Variants in PKP2 observed in about 807,000 individuals in gnomAD.
PKP2 encodes the protein plakophilin-2.
PKP2 carries 73 observed loss-of-function variants against 83.4 expected under a neutral mutation model. The ratio of observed to expected loss-of-function variants is 0.88; its 90% CI spans 0.72 to 1.06. The LOEUF is 1.06. Ranked by LOEUF, PKP2 falls within the 50% of genes least tolerant of loss-of-function variation. The probability of loss-of-function intolerance (pLI) is 0.00; values close to 1 mark genes in which losing one functional copy is unlikely to be tolerated. For synonymous variants in PKP2, 409 were observed against 430.4 expected (o/e 0.95, Z 0.62); for missense variants, 966 against 1,065.4 (o/e 0.91, Z 1.30).
At chr12:32,845,172 T>C (rs1956633629) in intron 5 of PKP2, among the ~76,000 whole-genome samples, 1 of 152,198 alleles carries the variant, frequency 6.6e-6, no homozygotes, top group Admixed American at 6.5e-5. Context: ...ATAACTCCAT[T>C]AGCCAGAAAT....
At chr12:32,854,249 C>T (rs1449978590) in intron 4 of PKP2, among the ~76,000 whole-genome samples, 1 of 152,200 alleles carries the variant, frequency 6.6e-6, no homozygotes, top group African/African-American at 2.4e-5. Context: ...CTTACCCTGT[C>T]ACCTTTATCA....
Position 32,841,268 on chromosome 12 carries a change from G to A in PKP2, c.1379-63C>T, listed in dbSNP as rs562112163. On this transcript the variant is annotated intron_variant, in intron 5 of 12. Transcript: ENST00000340811. ...GTGGGACCAAAATGACCGCTGAAAA[G>A]TTCAGTCAAGGCCATCAACTCCAGG... is the stretch of plus-strand genomic sequence containing the variant. The A allele has an allele frequency of 2.5e-5, 35 of 1,383,816 alleles. No homozygotes were observed. In the African/African-American group the frequency reaches 4.8e-4, roughly 19 times the overall value. The allele number at this position is 1,383,816 out of a possible 1,614,324, so 85.7% of individuals were successfully genotyped here.
At chr12:32,799,911 G>A (rs561812571) in intron 10 of PKP2, among the ~76,000 whole-genome samples, 6 of 152,246 alleles carry the variant, frequency 3.9e-5, no homozygotes, top group African/African-American at 1.4e-4. Flanking sequence ...AACACCACCT[G>A]TACCCAAAAA....
intron 6 of PKP2, among the ~76,000 whole-genome samples, chr12:32,838,126 C>G (rs1227614087): frequency 6.6e-6 from 1 of 152,136 alleles, no homozygotes; most frequent in African/African-American, 2.4e-5. Flanking sequence ...ATACATACAC[C>G]ATGGAATACT....
chr12:32,792,089 C>A lies in PKP2; in HGVS notation c.*335G>T. The A allele has an allele frequency of 2.7e-6, 1 of 363,672 alleles. No individual in the cohort carries two copies. The highest frequency in any genetic ancestry group is 5.2e-6 in the Non-Finnish European group (1 of 193,018). 22.5% of individuals were successfully genotyped at this position (363,672 alleles called of 1,614,324 possible). The stretch of plus-strand genomic sequence containing the variant: ...TAAATGTAAATCAAACTTTTAAAAT[C>A]CCAGTAATGCAACAGCTTCTTTCCT... On this transcript the variant is annotated 3_prime_UTR_variant, in exon 13 of 13. Coordinates refer to ENST00000340811, the MANE Select transcript of PKP2 (RefSeq NM_001005242.3).
At chr12:32,864,060 T>C (rs887625247) in intron 4 of PKP2, among the ~76,000 whole-genome samples, 3 of 151,738 alleles carry the variant, frequency 2.0e-5, no homozygotes, top group Non-Finnish European at 4.4e-5. Flanking sequence ...AATATTTCAA[T>C]AAATGCATAA....
At chr12:32,872,202 T>G (rs1185376587) in intron 3 of PKP2, among the ~76,000 whole-genome samples, 1 of 152,114 alleles carries the variant, frequency 6.6e-6, no homozygotes. Flanking sequence ...AAACTACCAC[T>G]GGTCAGAATA....
chr12:32,806,764 G>C (rs11534765), intron 9 of PKP2, among the ~76,000 whole-genome samples: 29,378 of 151,246 alleles, frequency 0.19, 3,503 homozygotes, highest in East Asian at 0.56. Context: ...GGTTTGTTTG[G>C]TCTGGTTTTC....
At chr12:32,890,715 T>G (rs1464300047) in intron 1 of PKP2, among the ~76,000 whole-genome samples, 1 of 151,998 alleles carries the variant, frequency 6.6e-6, no homozygotes, top group East Asian at 1.9e-4. Flanking sequence ...TCCCAGCACT[T>G]TGGGAGGCAG....
At chr12:32,894,982 C>T (rs1036462979) in intron 1 of PKP2, among the ~76,000 whole-genome samples, 58 of 152,076 alleles carry the variant, frequency 3.8e-4, no homozygotes, top group Non-Finnish European at 5.4e-4. Flanking sequence ...GGGAGGGGGC[C>T]ACGGAGAGGC....
At position 32,866,426 on chromosome 12, in the gene PKP2, C is replaced by T. The variant is rs531972377; in HGVS notation, c.1170+2501G>A. Among the ~76,000 whole-genome samples the T allele has an allele frequency of 4.6e-5, 7 of 151,616 alleles. 1 individual carries two copies. Among genetic ancestry groups the T allele is most frequent in the African/African-American group, 1.5e-4 (6 of 41,316 alleles). ...AAATTAGCAAGGTGTGGTAGTGCAC[C>T]GGTAGGCCCAGCTACTTGGGAGGCT... On this transcript the variant is annotated intron_variant, in intron 4 of 12. Transcript: ENST00000340811.
intron 4 of PKP2, among the ~76,000 whole-genome samples, chr12:32,853,509 T>C (rs1180391513): frequency 2.4e-5 from 1 of 41,448 alleles, no homozygotes; most frequent in Non-Finnish European, 4.7e-5. Flanking sequence ...AAATTCATAC[T>C]TTTTTTTTTT....
intron 1 of PKP2, among the ~76,000 whole-genome samples, chr12:32,879,809 C>T (rs1591829653): frequency 1.6e-5 from 2 of 122,794 alleles, no homozygotes. Flanking sequence ...ACAGCCTGAG[C>T]AACAAGAGTG....
chr12:32,858,084 AATATAT>A (rs869148477), intron 4 of PKP2, among the ~76,000 whole-genome samples: 1,893 of 66,746 alleles, frequency 0.028, 170 homozygotes, highest in Middle Eastern at 0.053. Context: ...AAAAAAAAAA[AATATAT>A]ATATATATAT....
At chr12:32,885,658 C>T (rs1057094194) in intron 1 of PKP2, among the ~76,000 whole-genome samples, 17 of 145,156 alleles carry the variant, frequency 1.2e-4, no homozygotes, top group African/African-American at 2.7e-4. Context: ...AGCAAGATTC[C>T]GTCCCCCCCC....
intron 9 of PKP2, chr12:32,820,278 A>G (rs1344136965): frequency 6.6e-6 from 1 of 152,230 alleles, no homozygotes; most frequent in African/African-American, 2.4e-5. Flanking sequence ...CTCTACAGAG[A>G]TAATTGGAGA....
At chr12:32,815,698 A>G (rs1418602204) in intron 9 of PKP2, among the ~76,000 whole-genome samples, 1 of 152,214 alleles carries the variant, frequency 6.6e-6, no homozygotes, top group Non-Finnish European at 1.5e-5. Flanking sequence ...ATACTATTTA[A>G]TGATATATGC....
In PKP2 at chr12:32,877,791, G is replaced by C. The variant is rs928007446; in HGVS notation, c.1034+55C>G. ...AGTGCCAGCTCATGCTGTCAGGGCTGTGGGAACAGAATGTGCTGGCAATGA... is the reference window on the plus strand; with the variant it reads ...AGTGCCAGCTCATGCTGTCAGGGCTCTGGGAACAGAATGTGCTGGCAATGA... On this transcript the variant is annotated intron_variant, in intron 3 of 12. Coordinates refer to ENST00000340811, the MANE Select transcript of PKP2 (RefSeq NM_001005242.3). 8 of 1,292,472 alleles carry C rather than the reference G, an allele frequency of 6.2e-6. No homozygotes were observed. The African/African-American group carries it at 1.2e-4, about 19-fold the overall frequency. 80.1% of individuals were successfully genotyped at this position (1,292,472 alleles called of 1,614,324 possible).
chr12:32,825,417 C>T (rs755870571), intron 6 of PKP2, among the ~76,000 whole-genome samples: 14 of 151,994 alleles, frequency 9.2e-5, no homozygotes, highest in African/African-American at 2.2e-4. Flanking sequence ...GTGAACCGCC[C>T]GCCTTGGCCT....
Sources: allele counts gnomAD v4.1 joint callset (sites outside exome capture counted in the v4.1 genomes callset), GRCh38; gene constraint gnomAD v4.1.1; transcripts MANE v1.5; gene names NCBI Gene and HGNC (gene_info 2026-07-23, HGNC 2026-07-21).